Variants in RPIA observed in about 807,000 individuals in gnomAD.
RPIA encodes the protein ribose 5-phosphate isomerase A.
A neutral mutation model predicts 37.8 loss-of-function variants in RPIA; 29 were observed. That is an observed-to-expected ratio of 0.77 (90% CI 0.57 to 1.05). RPIA has a LOEUF of 1.05. Ranked by LOEUF, RPIA falls within the 50% of genes least tolerant of loss-of-function variation. The pLI is 0.00. For missense variants in RPIA, 385 were observed against 413.6 expected (o/e 0.93, Z 0.60); for synonymous variants, 167 against 157.0 (o/e 1.06, Z -0.48).
At chr2:88,725,613 T>C (rs946178141) in intron 3 of RPIA, among the ~76,000 whole-genome samples, 8 of 152,176 alleles carry the variant, frequency 5.3e-5, no homozygotes, top group African/African-American at 1.7e-4. Flanking sequence ...AGGACATCAG[T>C]CATACTGATT....
Position 88,737,314 on chromosome 2 carries a change from C to T in RPIA, c.738+638C>T, listed in dbSNP as rs955444025. On this transcript the variant is annotated intron_variant, in intron 7 of 8. Transcript: ENST00000283646. Reference sequence around the variant, plus strand: ...ACTACGTAAACATTTTGGAGGATATCGAAAAGATCTGTCACCCTACCCTGA... The same window carrying T: ...ACTACGTAAACATTTTGGAGGATATTGAAAAGATCTGTCACCCTACCCTGA... 2.6e-5 allele frequency among the ~76,000 whole-genome samples: 4 copies of T among 152,234 alleles called. No individual in the cohort carries two copies. In the East Asian group the frequency reaches 5.8e-4, roughly 22 times the overall value.
intron 3 of RPIA, among the ~76,000 whole-genome samples, chr2:88,727,676 C>T (rs1007396692): frequency 1.3e-5 from 2 of 152,166 alleles, no homozygotes; most frequent in African/African-American, 4.8e-5. Context: ...AGGATAATGG[C>T]CTCTGGCTCC....
intron 8 of RPIA, among the ~76,000 whole-genome samples, chr2:88,747,688 AATCCATTTC>A (rs1206912071): frequency 6.6e-6 from 1 of 151,998 alleles, no homozygotes; most frequent in Non-Finnish European, 1.5e-5. Context: ...CAGCTCTCTA[AATCCATTTC>A]AGCTCTAGGT....
At chr2:88,713,524 C>T (rs775713084) in intron 3 of RPIA, among the ~76,000 whole-genome samples, 8 of 152,128 alleles carry the variant, frequency 5.3e-5, no homozygotes, top group South Asian at 2.1e-4. Flanking sequence ...ACTCACGTAC[C>T]GTTTTATTAT....
At chr2:88,728,183 A>G (rs1297342998) in intron 3 of RPIA, among the ~76,000 whole-genome samples, 1 of 152,254 alleles carries the variant, frequency 6.6e-6, no homozygotes, top group African/African-American at 2.4e-5. Context: ...AATTTTTAAT[A>G]ACATCAAATC....
At position 88,726,263 on chromosome 2, in the gene RPIA, G is replaced by A. The variant is rs57110366; in HGVS notation, c.403-3015G>A. ...AGGAGGCATAGCTCAGTTGGTTGTC[G>A]TGATCATTTAAGGCAAGCTTGTCCA... is the stretch of plus-strand genomic sequence containing the variant. On this transcript the variant is annotated intron_variant, in intron 3 of 8. Coordinates refer to ENST00000283646, the MANE Select transcript of RPIA (RefSeq NM_144563.3). 8.5e-5 allele frequency among the ~76,000 whole-genome samples: 13 copies of A among 152,268 alleles called. No individual in the cohort carries two copies. The East Asian group carries it at 9.6e-4, about 11-fold the overall frequency.
At chr2:88,737,315 G>A (rs1673326736) in intron 7 of RPIA, among the ~76,000 whole-genome samples, 1 of 152,106 alleles carries the variant, frequency 6.6e-6, no homozygotes, top group Non-Finnish European at 1.5e-5. Context: ...GGAGGATATC[G>A]AAAAGATCTG....
chr2:88,695,325 G>A (rs545460834), intron 1 of RPIA, among the ~76,000 whole-genome samples: 2 of 152,344 alleles, frequency 1.3e-5, no homozygotes, highest in African/African-American at 4.8e-5. Context: ...GCAATCTTGG[G>A]AGCTGAGCCC....
At chr2:88,700,121 C>T (rs1672810388) in intron 3 of RPIA, 57 bp downstream of exon 3, 19 of 1,566,448 alleles carry the variant, frequency 1.2e-5, no homozygotes, top group South Asian at 3.3e-5. Context: ...TCTGGTTCCC[C>T]GGGGTTGTGG....
At chr2:88,734,973 T>C (rs946628117) in intron 5 of RPIA, among the ~76,000 whole-genome samples, 3 of 152,234 alleles carry the variant, frequency 2.0e-5, no homozygotes, top group African/African-American at 7.2e-5. Flanking sequence ...AAGCTGTGCT[T>C]ACTTCTGTGA....
In RPIA at chr2:88,737,977, G is replaced by A; in HGVS notation, c.739G>A (p.Gly247Ser). The change falls in exon 8 of 9, where the codon GGT becomes AGT. Residue 247 changes from glycine (G) to serine (S), a missense_variant and splice_region_variant. Gly to Ser is a moderately conservative substitution (Grantham distance 56). Coordinates refer to ENST00000283646, the MANE Select transcript of RPIA (RefSeq NM_144563.3). ...VELRMAVNKAGPVVTDNGNFI... is the reference protein window; with the variant it reads ...VELRMAVNKASPVVTDNGNFI... ...GTCACTGTGGAAAATTATCTTCTAG[G>A]GTCCTGTGGTGACAGATAATGGGAA... 6.2e-7 allele frequency: 1 copy of A among 1,611,526 alleles called. No individual in the cohort carries two copies. The highest frequency in any genetic ancestry group is 8.5e-7 in the Non-Finnish European group (1 of 1,177,798).
intron 3 of RPIA, 50 bp from the exon 4 acceptor site, chr2:88,729,228 G>A: frequency 6.3e-7 from 1 of 1,586,644 alleles, no homozygotes; most frequent in Non-Finnish European, 8.7e-7. Context: ...GAGAATCCTT[G>A]TCATGAACTC....
chr2:88,745,841 G>C (rs1235112490), intron 8 of RPIA, among the ~76,000 whole-genome samples: 1 of 152,126 alleles, frequency 6.6e-6, no homozygotes, highest in Non-Finnish European at 1.5e-5. Flanking sequence ...TACCAGGAAA[G>C]TTTTCCTCAA....
intron 3 of RPIA, among the ~76,000 whole-genome samples, chr2:88,703,944 A>G (rs1364615673): frequency 6.6e-6 from 1 of 152,152 alleles, no homozygotes; most frequent in Non-Finnish European, 1.5e-5. Context: ...ATCTTAAATC[A>G]TCTCTCTCAA....
chr2:88,740,782 T>G (rs928007687), intron 8 of RPIA, among the ~76,000 whole-genome samples: 1 of 152,232 alleles, frequency 6.6e-6, no homozygotes, highest in African/African-American at 2.4e-5. Context: ...CTGCTGCCCA[T>G]TCATCTCTGC....
At chr2:88,711,568 T>A (rs1249397299) in intron 3 of RPIA, among the ~76,000 whole-genome samples, 1 of 152,208 alleles carries the variant, frequency 6.6e-6, no homozygotes, top group African/African-American at 2.4e-5. Context: ...CAGAATAGAT[T>A]GTAAATGTTT....
rs896806630 is a variant in RPIA at position 88,708,977 on chromosome 2, C to T, written c.402+8913C>T. ...TTCACCCTGTTGGCCAGGATGGTCT[C>T]CATCTCTTGACCTTGTGATCCACCC... On this transcript the variant is annotated intron_variant, in intron 3 of 8. Coordinates refer to ENST00000283646, the MANE Select transcript of RPIA (RefSeq NM_144563.3). Among the ~76,000 whole-genome samples the T allele has an allele frequency of 9.2e-5, 14 of 152,206 alleles. No individual in the cohort carries two copies. The South Asian group carries it at 1.9e-3, about 20-fold the overall frequency.
chr2:88,746,956 A>G lies in RPIA; in HGVS notation c.839-3025A>G, dbSNP rs191153402. Among the ~76,000 whole-genome samples the G allele has an allele frequency of 1.4e-4, 22 of 152,266 alleles. No homozygotes were observed. The East Asian group carries it at 2.7e-3, about 19-fold the overall frequency. On this transcript the variant is annotated intron_variant, in intron 8 of 8. Transcript: ENST00000283646. ...GTATAGGGGGGATACAAGCTTGTCT[A>G]TGTAGGCCAGGATAAGTATTTTGGT... is the stretch of plus-strand genomic sequence containing the variant.
chr2:88,709,241 G>T (rs889519201), intron 3 of RPIA, among the ~76,000 whole-genome samples: 2 of 152,194 alleles, frequency 1.3e-5, no homozygotes, highest in East Asian at 3.8e-4. Flanking sequence ...GGAATTATTT[G>T]CTTCGACGAT....
Sources: gnomAD v4.1 joint callset for allele counts (sites outside exome capture counted in the v4.1 genomes callset) on GRCh38, gnomAD v4.1.1 for gene constraint, MANE v1.5 for transcripts, NCBI Gene and HGNC (gene_info 2026-07-23, HGNC 2026-07-21) for gene names.